MACO1: variants seen among roughly 807,000 people sequenced by gnomAD.
MACO1 encodes macoilin 1.
A neutral mutation model predicts 78.7 loss-of-function variants in MACO1; 14 were observed. The ratio of observed to expected loss-of-function variants is 0.18; its 90% CI spans 0.12 to 0.28. MACO1 has a LOEUF of 0.28. Among genes scored for constraint, MACO1 ranks in the 10% least tolerant of loss-of-function variants. The probability of loss-of-function intolerance (pLI) is 1.00; values close to 1 mark genes in which losing one functional copy is unlikely to be tolerated. For missense variants in MACO1, 501 were observed against 799.0 expected, an observed-to-expected ratio of 0.63 and a Z score of 4.50; for synonymous variants, 288 against 291.6, an observed-to-expected ratio of 0.99 and a Z score of 0.12.
Position 25,498,333 on chromosome 1 carries a change from T to C in MACO1, c.1862T>C (p.Met621Thr). ...AAGATAGCCGAAGTCATGGCCGTCATGCCCAGCATAACATACAGTGCCGCC... is the reference window on the plus strand; with the variant it reads ...AAGATAGCCGAAGTCATGGCCGTCACGCCCAGCATAACATACAGTGCCGCC... ...KQKIAEVMAV[M>T]PSITYSAATS... is the part of the protein sequence containing the mutation. Residue 621 changes from methionine to threonine, a missense_variant, in exon 11 of 11, where the codon ATG becomes ACG. By Grantham distance (81) the Met-to-Thr change is moderately conservative. Coordinates refer to ENST00000374343, the MANE Select transcript of MACO1 (RefSeq NM_018202.6). The C allele has an allele frequency of 1.2e-6, 2 of 1,614,206 alleles. No homozygotes were observed. Among genetic ancestry groups the C allele is most frequent in the South Asian group, 2.2e-5 (2 of 91,076 alleles).
At chr1:25,465,463 A>G (rs1452200173) in intron 6 of MACO1, among the ~76,000 whole-genome samples, 2 of 152,186 alleles carry the variant, frequency 1.3e-5, no homozygotes, top group African/African-American at 4.8e-5. Flanking sequence ...TGGTATTGTC[A>G]GTGTTATGGA....
intron 1 of MACO1, among the ~76,000 whole-genome samples, chr1:25,446,383 A>G (rs1211759877): frequency 6.6e-6 from 1 of 152,218 alleles, no homozygotes; most frequent in Non-Finnish European, 1.5e-5. Flanking sequence ...AGCAAATTTG[A>G]AGCCTTTCAA....
At chr1:25,445,565 T>C (rs182506752) in intron 1 of MACO1, among the ~76,000 whole-genome samples, 14 of 152,132 alleles carry the variant, frequency 9.2e-5, no homozygotes, top group Non-Finnish European at 1.5e-4. Context: ...TTCTTTTTTC[T>C]TTTTTTCTCT....
chr1:25,451,260 A>G lies in MACO1; in HGVS notation c.349+2326A>G, dbSNP rs537926365. ...AAATTTAAAATTATTTCCTGACAAT[A>G]TTAGGAATGGTTGATGAAATTACAT... is the stretch of plus-strand genomic sequence containing the variant. On this transcript the variant is annotated intron_variant, in intron 3 of 10. Transcript: ENST00000374343. 7.2e-5 allele frequency among the ~76,000 whole-genome samples: 11 copies of G among 152,300 alleles called. No individual in the cohort carries two copies. In the East Asian group the frequency reaches 1.9e-3, roughly 27 times the overall value.
intron 8 of MACO1, among the ~76,000 whole-genome samples, chr1:25,488,644 C>T (rs952030085): frequency 6.6e-6 from 1 of 151,470 alleles, no homozygotes; most frequent in South Asian, 2.1e-4. Flanking sequence ...CAGATGTGTG[C>T]CACTACACCC....
At chr1:25,456,134 T>C (rs970094395) in intron 4 of MACO1, among the ~76,000 whole-genome samples, 1 of 151,876 alleles carries the variant, frequency 6.6e-6, no homozygotes, top group Non-Finnish European at 1.5e-5. Flanking sequence ...GATGCAGGCC[T>C]GTAGTCCCAG....
At chr1:25,481,767 G>A (rs2043381264) in intron 6 of MACO1, among the ~76,000 whole-genome samples, 1 of 152,160 alleles carries the variant, frequency 6.6e-6, no homozygotes, top group Non-Finnish European at 1.5e-5. Flanking sequence ...CTGGCAATAG[G>A]GAAAGTGTGG....
At chr1:25,457,073 C>G (rs976924881) in intron 5 of MACO1, among the ~76,000 whole-genome samples, 1 of 151,102 alleles carries the variant, frequency 6.6e-6, no homozygotes, top group Non-Finnish European at 1.5e-5. Flanking sequence ...ATATTTATAT[C>G]TTTTTTATAT....
intron 7 of MACO1, among the ~76,000 whole-genome samples, chr1:25,484,628 A>G (rs1442047250): frequency 6.6e-6 from 1 of 152,180 alleles, no homozygotes; most frequent in Non-Finnish European, 1.5e-5. Context: ...AGAGGATTTG[A>G]CTATATTTAC....
At chr1:25,436,482 A>ATTTGGGCATAATTAT (rs1553163300) in intron 1 of MACO1, among the ~76,000 whole-genome samples, 1 of 152,114 alleles carries the variant, frequency 6.6e-6, no homozygotes, top group African/African-American at 2.4e-5. Context: ...GGCTTACTAG[A>ATTTGGGCATAATTAT]TTTGGGCATA....
In MACO1 at chr1:25,496,670, T is replaced by A. The variant is rs538523771; in HGVS notation, c.1793-1594T>A. 2.0e-5 allele frequency among the ~76,000 whole-genome samples: 3 copies of A among 151,730 alleles called. No individual in the cohort carries two copies. The East Asian group carries it at 5.8e-4, about 29-fold the overall frequency. The stretch of plus-strand genomic sequence containing the variant: ...ACACAACTTGTAGAACTCCACTTTT[T>A]ACTGGACTGGGCAATAGGGAGCTAA... On this transcript the variant is annotated intron_variant, in intron 10 of 10. Coordinates refer to ENST00000374343, the MANE Select transcript of MACO1 (RefSeq NM_018202.6).
chr1:25,469,872 C>T (rs1351364484), intron 6 of MACO1, among the ~76,000 whole-genome samples: 3 of 152,042 alleles, frequency 2.0e-5, no homozygotes, highest in Non-Finnish European at 4.4e-5. Context: ...GTGATCCACC[C>T]GCCTCAGCTT....
chr1:25,484,035 G>A, intron 6 of MACO1, 81 bp from the exon 7 acceptor site: 2 of 1,451,760 alleles, frequency 1.4e-6, no homozygotes, highest in East Asian at 2.4e-5. Context: ...TCACCCAGCA[G>A]TCCAGGACCC....
chr1:25,482,921 A>G (rs541706864), intron 6 of MACO1, among the ~76,000 whole-genome samples: 1 of 152,362 alleles, frequency 6.6e-6, no homozygotes, highest in Non-Finnish European at 1.5e-5. Context: ...TCTGGCATAT[A>G]TTTAATCATG....
chr1:25,478,235 A>G (rs1305689114), intron 6 of MACO1, among the ~76,000 whole-genome samples: 1 of 151,974 alleles, frequency 6.6e-6, no homozygotes, highest in African/African-American at 2.4e-5. Flanking sequence ...ACAGAGCGAG[A>G]CTCTGTCTCA....
intron 10 of MACO1, among the ~76,000 whole-genome samples, chr1:25,496,085 C>T (rs2124615698): frequency 6.6e-6 from 1 of 152,138 alleles, no homozygotes; most frequent in South Asian, 2.1e-4. Flanking sequence ...CATGAGCAAT[C>T]TCAAAATAAA....
At chr1:25,435,098 A>G (rs978359891) in intron 1 of MACO1, among the ~76,000 whole-genome samples, 5 of 152,206 alleles carry the variant, frequency 3.3e-5, no homozygotes, top group Middle Eastern at 3.2e-3. Flanking sequence ...TTAAATGGTT[A>G]TTTATGCAAG....
At chr1:25,464,605 A>G (rs2043200001) in intron 6 of MACO1, among the ~76,000 whole-genome samples, 1 of 151,024 alleles carries the variant, frequency 6.6e-6, no homozygotes, top group East Asian at 1.9e-4. Flanking sequence ...TGGGCCTCCC[A>G]AAGTTCTGGG....
intron 6 of MACO1, among the ~76,000 whole-genome samples, chr1:25,480,926 AAAAATATATATATATAT>A (rs1478427976): frequency 4.9e-4 from 17 of 34,800 alleles, no homozygotes; most frequent in African/African-American, 1.1e-3. Flanking sequence ...AAAAAAAAAA[AAAAATATATATATATAT>A]ATATATATAT....
Sources: gnomAD v4.1 joint callset for allele counts (sites outside exome capture counted in the v4.1 genomes callset) on GRCh38, gnomAD v4.1.1 for gene constraint, MANE v1.5 for transcripts, NCBI Gene and HGNC (gene_info 2026-07-23, HGNC 2026-07-21) for gene names.